PFKFB3: variants seen among roughly 807,000 people sequenced by gnomAD.
PFKFB3 encodes the protein 6-phosphofructo-2-kinase/fructose-2,6-bisphosphatase 3.
A neutral mutation model predicts 68.0 loss-of-function variants in PFKFB3; 33 were observed. The observed-to-expected ratio is 0.49, with a 90% CI of 0.37 to 0.65. PFKFB3 has a LOEUF of 0.65. Ranked by LOEUF, PFKFB3 falls within the 30% of genes least tolerant of loss-of-function variation. The pLI, the probability that PFKFB3 is intolerant of heterozygous loss-of-function variation, is 0.00. For missense variants in PFKFB3, 586 were observed against 712.2 expected (o/e 0.82, Z 2.02); for synonymous variants, 315 against 288.2 (o/e 1.09, Z -0.94).
chr10:6,167,665 C>T (rs760347130), intron 1 of PFKFB3, among the ~76,000 whole-genome samples: 12 of 152,188 alleles, frequency 7.9e-5, no homozygotes, highest in Non-Finnish European at 1.5e-4. Context: ...CCTCTTCCTC[C>T]ATTGGATTAT....
intron 1 of PFKFB3, among the ~76,000 whole-genome samples, chr10:6,177,401 T>TTTCTTTCTTTCTTTCTTTCTTTC (rs1367142859): frequency 6.9e-6 from 1 of 143,936 alleles, no homozygotes; most frequent in Non-Finnish European, 1.5e-5. Context: ...TCTTTCTTTC[T>TTTCTTTCTTTCTTTCTTTCTTTC]TTCTTTCTTC....
chr10:6,147,273 TA>T (rs1377373363), intron 1 of PFKFB3, among the ~76,000 whole-genome samples: 1 of 152,228 alleles, frequency 6.6e-6, no homozygotes. Flanking sequence ...CTGAATGTGT[TA>T]ACTATTCAGA....
the PFKFB3 span, among the ~76,000 whole-genome samples, chr10:6,260,338 C>T: frequency 3.9e-3 from 575 of 147,696 alleles, 3 homozygotes; most frequent in African/African-American, 0.014. Context: ...GGCATGAACC[C>T]GGGAGGCAGA....
chr10:6,242,429 A>G (rs770501455), intron 14 of PFKFB3, among the ~76,000 whole-genome samples: 6 of 152,170 alleles, frequency 3.9e-5, no homozygotes, highest in Non-Finnish European at 8.8e-5. Context: ...CCCTATGTAC[A>G]GAAGCAGGTA....
rs748258447 is a variant in PFKFB3, at chr10:6,219,485, C to A, written c.499-84C>A. Reference sequence around the variant, plus strand: ...TTATACTGAGCCTTCTGTGCGCTCCCCTTTTGAAAGCCCCAAATCCTGCTT... The same window carrying A: ...TTATACTGAGCCTTCTGTGCGCTCCACTTTTGAAAGCCCCAAATCCTGCTT... On this transcript the variant is annotated intron_variant, in intron 6 of 14. Coordinates refer to ENST00000379775, the MANE Select transcript of PFKFB3 (RefSeq NM_004566.4). The A allele has an allele frequency of 6.7e-6, 10 of 1,485,238 alleles. No individual in the cohort carries two copies. The East Asian group carries it at 2.3e-4, about 34-fold the overall frequency. 92.0% of individuals were successfully genotyped at this position (1,485,238 alleles called of 1,614,324 possible).
At chr10:6,273,664 C>G in the PFKFB3 span, among the ~76,000 whole-genome samples, 4 of 152,170 alleles carry the variant, frequency 2.6e-5, no homozygotes, top group South Asian at 6.2e-4. Flanking sequence ...AAAAGTCTTT[C>G]CAGAGGCCAT....
chr10:6,284,536 A>G, the PFKFB3 span, among the ~76,000 whole-genome samples: 1 of 152,224 alleles, frequency 6.6e-6, no homozygotes, highest in African/African-American at 2.4e-5. Context: ...CATAATATTG[A>G]TTAGTAACTT....
chr10:6,182,791 C>T (rs55941926), intron 1 of PFKFB3, among the ~76,000 whole-genome samples: 33,609 of 152,166 alleles, frequency 0.22, 3,901 homozygotes, highest in Admixed American at 0.3. Context: ...AATCCAAATG[C>T]AGTGAAGTTC....
intron 1 of PFKFB3, among the ~76,000 whole-genome samples, chr10:6,194,198 G>T (rs985167407): frequency 8.1e-5 from 12 of 148,644 alleles, no homozygotes; most frequent in African/African-American, 3.0e-4. Flanking sequence ...GCCACCTACC[G>T]CAGTCACTGT....
intron 1 of PFKFB3, chr10:6,145,056 G>C (rs758963589): frequency 8.1e-4 from 1,057 of 1,307,318 alleles, no homozygotes; most frequent in Non-Finnish European, 9.3e-4. Flanking sequence ...AGCGCGCGCG[G>C]GGACCTGAGC....
At chr10:6,149,586 C>CAA (rs57208512) in intron 1 of PFKFB3, 73,292 of 131,310 alleles carry the variant, frequency 0.56, 21,289 homozygotes, top group Non-Finnish European at 0.64. Flanking sequence ...GACTCCCTCT[C>CAA]AAAAAAAAAA....
Position 6,219,680 on chromosome 10 carries a change from G to T in PFKFB3, c.610G>T (p.Asp204Tyr). The T allele has an allele frequency of 6.2e-7, 1 of 1,613,662 alleles. No individual in the cohort carries two copies. The highest frequency in any genetic ancestry group is 1.1e-5 in the South Asian group (1 of 91,040). ...YEASYQPLDP[D>Y]KCDRDLSLIK... Reference sequence around the variant, plus strand: ...AGCCAGCTACCAGCCCCTCGACCCCGACAAATGCGACAGGTGATTCCCGTG... The same window carrying T: ...AGCCAGCTACCAGCCCCTCGACCCCTACAAATGCGACAGGTGATTCCCGTG... The change falls in exon 7 of 15, where the codon GAC becomes TAC. Residue 204 changes from aspartate (D) to tyrosine (Y), a missense_variant. Physicochemically the swap from Asp to Tyr is radical, Grantham distance 160. Coordinates refer to ENST00000379775, the MANE Select transcript of PFKFB3 (RefSeq NM_004566.4).
chr10:6,297,177 GATTC>G, the PFKFB3 span, among the ~76,000 whole-genome samples: 3 of 152,350 alleles, frequency 2.0e-5, no homozygotes, highest in African/African-American at 7.2e-5. Context: ...AGCATAAACA[GATTC>G]AGTGTTTGGC....
At chr10:6,272,469 G>A in the PFKFB3 span, among the ~76,000 whole-genome samples, 3 of 152,098 alleles carry the variant, frequency 2.0e-5, no homozygotes, top group African/African-American at 4.8e-5. Context: ...CGAGGCGGGC[G>A]GATCACCTGA....
At chr10:6,186,095 T>G (rs949779996) in intron 1 of PFKFB3, among the ~76,000 whole-genome samples, 2 of 152,140 alleles carry the variant, frequency 1.3e-5, no homozygotes, top group African/African-American at 4.8e-5. Context: ...ATTGGTGGTG[T>G]TTTCGGTGGT....
At chr10:6,304,227 T>C in the PFKFB3 span, among the ~76,000 whole-genome samples, 1 of 152,180 alleles carries the variant, frequency 6.6e-6, no homozygotes, top group African/African-American at 2.4e-5. Flanking sequence ...AGCTCCCTTT[T>C]ATTTTCTCTG....
intron 1 of PFKFB3, among the ~76,000 whole-genome samples, chr10:6,169,410 G>A (rs973774055): frequency 4.6e-5 from 7 of 151,970 alleles, no homozygotes; most frequent in African/African-American, 1.2e-4. Context: ...CAAGGGGCAC[G>A]AATGCTCAGA....
At chr10:6,210,173 G>A (rs566463400) in intron 1 of PFKFB3, among the ~76,000 whole-genome samples, 3 of 119,084 alleles carry the variant, frequency 2.5e-5, no homozygotes, top group African/African-American at 7.8e-5. Context: ...GAGGGTCACA[G>A]AATTAGAAAC....
the PFKFB3 span, among the ~76,000 whole-genome samples, chr10:6,318,474 G>A: frequency 1.3e-5 from 2 of 152,314 alleles, no homozygotes; most frequent in East Asian, 1.9e-4. Flanking sequence ...TCTTCCCCAG[G>A]GGGTAGAGGG....
Sources: gnomAD v4.1 joint callset for allele counts (sites outside exome capture counted in the v4.1 genomes callset) on GRCh38, gnomAD v4.1.1 for gene constraint, MANE v1.5 for transcripts, NCBI Gene and HGNC (gene_info 2026-07-23, HGNC 2026-07-21) for gene names.